Variants in ZNF674 observed in about 807,000 individuals in gnomAD.
ZNF674 encodes zinc finger protein 674.
Under a neutral mutation model 7.0 loss-of-function variants are expected in ZNF674, and 2 were observed. The ratio of observed to expected loss-of-function variants is 0.29; its 90% CI spans 0.12 to 0.90. The LOEUF (loss-of-function observed/expected upper bound fraction) is 0.90. ZNF674 is among the 40% of genes least tolerant of loss of function. The pLI is 0.57. For missense variants in ZNF674, 297 were observed against 415.5 expected (o/e 0.71, Z 2.48); for synonymous variants, 103 against 145.2 (o/e 0.71, Z 2.09).
At chrX:46,520,050 A>G (rs1454469349) in intron 5 of ZNF674, among the ~76,000 whole-genome samples, 5 of 112,263 alleles carry the variant, frequency 4.5e-5, no homozygotes, top group African/African-American at 1.3e-4. Flanking sequence ...AACAGAGAAC[A>G]TATTAGTAGT....
Position 46,500,516 on chromosome X carries a change from T to C in ZNF674, c.1058A>G (p.Gln353Arg). The stretch of plus-strand genomic sequence containing the variant: ...AGAGGCTTTCCCATGTTCACTGCAC[T>C]GAGGTTTCTCACTTGTGTGAATTCT... ...YQRIHTSEKP[Q>R]CSEHGKASDE... The change falls in exon 6 of 6, where the codon CAG (glutamine) becomes CGG (arginine). Residue 353 changes from glutamine to arginine, a missense_variant. Physicochemically the swap from Gln to Arg is conservative, Grantham distance 43. Coordinates refer to ENST00000683375, the MANE Select transcript of ZNF674 (RefSeq NM_001190417.2). The C allele has an allele frequency of 8.3e-7, 1 of 1,211,908 alleles. No individual in the cohort carries two copies. Among genetic ancestry groups the C allele is most frequent in the Non-Finnish European group, 1.1e-6 (1 of 895,224 alleles).
chrX:46,500,483 T>G lies in ZNF674; in HGVS notation c.1091A>C (p.Lys364Thr), dbSNP rs1941399033. Residue 364 changes from lysine (K) to threonine (T), a missense_variant, in exon 6 of 6, where the codon AAG (lysine) becomes ACG (threonine). Physicochemically the swap from Lys to Thr is moderately conservative, Grantham distance 78. Transcript: ENST00000683375. ...TCTCCAATGTTTAGTGGGACTGGGC[T>G]TCTCATCAGAGGCTTTCCCATGTTC... ...CSEHGKASDE[K>T]PSPTKHWRTH... 1 of 1,210,854 alleles carries G rather than the reference T, an allele frequency of 8.3e-7. No individual in the cohort carries two copies. The highest frequency in any genetic ancestry group is 1.1e-6 in the Non-Finnish European group (1 of 895,347).
intron 3 of ZNF674, among the ~76,000 whole-genome samples, chrX:46,536,265 G>C (rs1183739178): frequency 9.0e-6 from 1 of 110,886 alleles, no homozygotes; most frequent in Admixed American, 9.7e-5. Context: ...TTTGAAACCA[G>C]CCTGGGCAAC....
Position 46,499,816 on chromosome X carries a change from G to C in ZNF674, c.*27C>G. 1 of 1,057,021 alleles carries C rather than the reference G, an allele frequency of 9.5e-7. No individual in the cohort carries two copies. The highest frequency in any genetic ancestry group is 2.5e-5 in the South Asian group (1 of 39,344). 87.1% of individuals were successfully genotyped at this position (1,057,021 alleles called of 1,213,427 possible). A position where few individuals can be genotyped will look rare whatever the true frequency, so the allele number is the denominator to read the frequency against. On this transcript the variant is annotated 3_prime_UTR_variant, in exon 6 of 6. Transcript: ENST00000683375. ...ATAGTCAAATGACAAATAACTACTA[G>C]TATAATTATCCCACTCTCAAGTATA...
chrX:46,537,570 A>G (rs936409320), intron 3 of ZNF674, among the ~76,000 whole-genome samples: 2 of 111,784 alleles, frequency 1.8e-5, no homozygotes, highest in African/African-American at 6.5e-5. Flanking sequence ...TTTTTTTCTT[A>G]TAAATTGCCT....
intron 2 of ZNF674, among the ~76,000 whole-genome samples, chrX:46,543,038 C>A (rs1942319706): frequency 9.0e-6 from 1 of 111,155 alleles, no homozygotes; most frequent in African/African-American, 3.3e-5. Context: ...GCAACCTCCA[C>A]CTCCCGGGTT....
At chrX:46,505,833 G>C (rs1941528827) in intron 5 of ZNF674, among the ~76,000 whole-genome samples, 1 of 109,801 alleles carries the variant, frequency 9.1e-6, no homozygotes, top group Non-Finnish European at 1.9e-5. Flanking sequence ...AGAACAGCCA[G>C]GTCATGGTTC....
At chrX:46,506,689 A>C (rs1044759798) in intron 5 of ZNF674, among the ~76,000 whole-genome samples, 4 of 112,412 alleles carry the variant, frequency 3.6e-5, no homozygotes, top group Non-Finnish European at 7.5e-5. Flanking sequence ...ACTCTCCATT[A>C]GGAGTCAAAC....
At chrX:46,504,598 C>T (rs776210389) in intron 5 of ZNF674, among the ~76,000 whole-genome samples, 1 of 111,479 alleles carries the variant, frequency 9.0e-6, no homozygotes, top group Non-Finnish European at 1.9e-5. Flanking sequence ...CCGCCTCGGC[C>T]CCGCAAAGTG....
intron 5 of ZNF674, among the ~76,000 whole-genome samples, chrX:46,516,948 G>A (rs1941776891): frequency 9.1e-6 from 1 of 109,384 alleles, no homozygotes; most frequent in Non-Finnish European, 1.9e-5. Flanking sequence ...AGATTGCAGT[G>A]AGCTGAGATT....
At chrX:46,540,000 T>C (rs1239715588) in intron 3 of ZNF674, among the ~76,000 whole-genome samples, 2 of 111,793 alleles carry the variant, frequency 1.8e-5, no homozygotes, top group Non-Finnish European at 3.8e-5. Flanking sequence ...ATCCCAGCAC[T>C]CTGGGAGGCC....
At chrX:46,505,767 G>GTC (rs1556010512) in intron 5 of ZNF674, among the ~76,000 whole-genome samples, 2 of 76,832 alleles carry the variant, frequency 2.6e-5, no homozygotes, top group Non-Finnish European at 5.7e-5. Context: ...GCAAAACTCT[G>GTC]TCACACACAC....
intron 5 of ZNF674, among the ~76,000 whole-genome samples, chrX:46,507,028 G>A (rs891092875): frequency 9.0e-5 from 10 of 111,382 alleles, no homozygotes; most frequent in Non-Finnish European, 1.7e-4. Flanking sequence ...CTGGTGATAA[G>A]TATATGGAGA....
intron 2 of ZNF674, among the ~76,000 whole-genome samples, chrX:46,542,478 G>A (rs1942309849): frequency 8.9e-6 from 1 of 112,013 alleles, no homozygotes; most frequent in Non-Finnish European, 1.9e-5. Context: ...GGGGGGCGCT[G>A]AAGGAGGATT....
intron 5 of ZNF674, chrX:46,522,858 G>C (rs1295783638): frequency 8.9e-6 from 1 of 112,231 alleles, no homozygotes; most frequent in Non-Finnish European, 1.9e-5. Context: ...AAAAAGAAAA[G>C]TTCAAACTAA....
At chrX:46,529,190 C>G (rs185226229) in intron 3 of ZNF674, 21 of 387,327 alleles carry the variant, frequency 5.4e-5, no homozygotes, top group African/African-American at 4.3e-4. Flanking sequence ...TATAACTGTT[C>G]TTATGCCAGT....
chrX:46,507,488 G>A (rs891082877), intron 5 of ZNF674, among the ~76,000 whole-genome samples: 1 of 111,737 alleles, frequency 8.9e-6, no homozygotes, highest in Non-Finnish European at 1.9e-5. Flanking sequence ...TGGGTTTTAC[G>A]TCTGTGGATT....
chrX:46,540,171 G>C (rs1183392400), intron 3 of ZNF674, among the ~76,000 whole-genome samples: 1 of 110,463 alleles, frequency 9.1e-6, no homozygotes, highest in Admixed American at 9.6e-5. Flanking sequence ...GGGAACCCAG[G>C]AGGCGGAGCT....
intron 5 of ZNF674, among the ~76,000 whole-genome samples, chrX:46,512,972 T>A (rs1164142736): frequency 1.8e-5 from 2 of 110,911 alleles, no homozygotes; most frequent in African/African-American, 6.5e-5. Context: ...GAATAAAGAA[T>A]ATGAACAGGT....
Sources: allele counts gnomAD v4.1 joint callset (sites outside exome capture counted in the v4.1 genomes callset), GRCh38; gene constraint gnomAD v4.1.1; transcripts MANE v1.5; gene names NCBI Gene and HGNC (gene_info 2026-07-23, HGNC 2026-07-21).